BLTP1: variants seen among roughly 807,000 people sequenced by gnomAD.
BLTP1 encodes the protein bridge-like lipid transfer protein family member 1.
At chr4:122,173,230 C>A in the BLTP1 span, 2 of 1,434,750 alleles carry the variant, frequency 1.4e-6, no homozygotes, top group South Asian at 1.2e-5. Flanking sequence ...GTTGCTATAA[C>A]TGAATGCCTG....
chr4:122,289,495 A>G, the BLTP1 span: 1 of 983,740 alleles, frequency 1.0e-6, no homozygotes, highest in African/African-American at 1.7e-5. Context: ...TCATTTGGGA[A>G]CAACATTTAG....
the BLTP1 span, chr4:122,262,987 C>T: frequency 4.5e-5 from 72 of 1,611,756 alleles, no homozygotes; most frequent in East Asian, 1.1e-3. Flanking sequence ...AGAACAGGTA[C>T]GTCCTCTAGA....
chr4:122,264,482 GC>G, the BLTP1 span: 3 of 1,454,560 alleles, frequency 2.1e-6, no homozygotes, highest in Admixed American at 7.1e-5. Context: ...GCATTGCTTA[GC>G]AACTGGAACC....
At chr4:122,253,810 G>A in the BLTP1 span, among the ~76,000 whole-genome samples, 1 of 151,998 alleles carries the variant, frequency 6.6e-6, no homozygotes, top group Non-Finnish European at 1.5e-5. Flanking sequence ...AGAGAATACC[G>A]AGCAGATTTA....
the BLTP1 span, among the ~76,000 whole-genome samples, chr4:122,286,134 C>A: frequency 6.6e-6 from 1 of 152,160 alleles, no homozygotes; most frequent in Non-Finnish European, 1.5e-5. Context: ...GATCAGTAGA[C>A]ATATTGTTAA....
the BLTP1 span, chr4:122,200,285 A>C: frequency 3.0e-6 from 3 of 985,230 alleles, no homozygotes; most frequent in East Asian, 2.3e-4. Flanking sequence ...CTTTGCAGAA[A>C]TGCCAAACTG....
At chr4:122,267,908 T>A in the BLTP1 span, among the ~76,000 whole-genome samples, 1 of 152,292 alleles carries the variant, frequency 6.6e-6, no homozygotes, top group South Asian at 2.1e-4. Context: ...GTTTCTTTCA[T>A]CCTTTTTGTG....
the BLTP1 span, chr4:122,234,893 T>G: frequency 6.2e-7 from 1 of 1,613,944 alleles, no homozygotes; most frequent in East Asian, 2.2e-5. Context: ...TCTTCAAACT[T>G]GAAGAGTTGA....
At chr4:122,217,028 T>A in the BLTP1 span, among the ~76,000 whole-genome samples, 1 of 152,112 alleles carries the variant, frequency 6.6e-6, no homozygotes, top group Non-Finnish European at 1.5e-5. Context: ...TTTTGTTTCT[T>A]ATTTTGTTTA....
At chr4:122,271,027 T>C in the BLTP1 span, 17 of 1,597,648 alleles carry the variant, frequency 1.1e-5, no homozygotes, top group Admixed American at 1.4e-4. Flanking sequence ...GGCAAGGCCA[T>C]GTGAATCTTC....
the BLTP1 span, chr4:122,264,101 T>TA: frequency 1.6e-6 from 2 of 1,225,514 alleles, no homozygotes; most frequent in South Asian, 6.7e-5. Flanking sequence ...TAAAATAACC[T>TA]AAAAGTATGC....
chr4:122,268,201 A>C, the BLTP1 span, among the ~76,000 whole-genome samples: 79 of 152,288 alleles, frequency 5.2e-4, no homozygotes, highest in African/African-American at 1.9e-3. Context: ...AAAAAAGTAA[A>C]ACTAATATTT....
At chr4:122,154,162 CTTTTTTTTTTTTTT>C in the BLTP1 span, 35 of 255,162 alleles carry the variant, frequency 1.4e-4, no homozygotes, top group South Asian at 8.4e-4. Context: ...CGGTTAAAGA[CTTTTTTTTTTTTTT>C]TTTTTTTTTT....
chr4:122,226,415 C>A, the BLTP1 span: 226 of 1,145,424 alleles, frequency 2.0e-4, no homozygotes, highest in Non-Finnish European at 2.3e-4. Flanking sequence ...AGATATATAA[C>A]CTTGAATAAA....
At chr4:122,234,929 A>G in the BLTP1 span, 22 of 1,613,376 alleles carry the variant, frequency 1.4e-5, no homozygotes, top group Non-Finnish European at 1.8e-5. Context: ...CTGCATTTTC[A>G]AGCACAAGTG....
the BLTP1 span, chr4:122,185,017 G>A: frequency 4.1e-6 from 4 of 985,042 alleles, no homozygotes; most frequent in Non-Finnish European, 4.8e-6. Flanking sequence ...AGCTATGTGG[G>A]GCAAGAGAAT....
the BLTP1 span, among the ~76,000 whole-genome samples, chr4:122,332,192 G>C: frequency 6.6e-6 from 1 of 151,822 alleles, no homozygotes; most frequent in Admixed American, 6.6e-5. Flanking sequence ...GATCATTAAT[G>C]ATACTATTCT....
At chr4:122,152,599 C>G in the BLTP1 span, 1 of 985,492 alleles carries the variant, frequency 1.0e-6, no homozygotes, top group Admixed American at 6.2e-5. Context: ...GGGGATGGGC[C>G]GGGCCAGACG....
At chr4:122,341,173 G>A in the BLTP1 span, among the ~76,000 whole-genome samples, 3 of 152,056 alleles carry the variant, frequency 2.0e-5, no homozygotes, top group Admixed American at 2.0e-4. Flanking sequence ...ATTCTTAGGA[G>A]AAATTCTTAA....
Sources: gnomAD v4.1 joint callset for allele counts (sites outside exome capture counted in the v4.1 genomes callset) on GRCh38, gnomAD v4.1.1 for gene constraint, MANE v1.5 for transcripts, NCBI Gene and HGNC (gene_info 2026-07-23, HGNC 2026-07-21) for gene names.